The following SLC12A2 variants were observed in gnomAD, a reference collection of about 807,000 sequenced individuals.
The protein encoded by SLC12A2 is solute carrier family 12 member 2, also known as Na-K-2Cl cotransporter 1.
SLC12A2 carries 67 observed loss-of-function variants against 136.3 expected under a neutral mutation model. The observed-to-expected ratio is 0.49, with a 90% CI of 0.40 to 0.60. SLC12A2 has a LOEUF of 0.60. Ranked by LOEUF, SLC12A2 falls within the 20% of genes least tolerant of loss-of-function variation. The pLI is 0.00. For synonymous variants in SLC12A2, 619 were observed against 562.9 expected, an observed-to-expected ratio of 1.10 and a Z score of -1.41; for missense variants, 1,322 against 1,534.7, an observed-to-expected ratio of 0.86 and a Z score of 2.32.
chr5:128,183,490 A>G (rs2126760488), intron 24 of SLC12A2, among the ~76,000 whole-genome samples: 1 of 152,078 alleles, frequency 6.6e-6, no homozygotes, highest in South Asian at 2.1e-4. Context: ...TACAATTTGT[A>G]AGGTTGTAAT....
At chr5:128,158,665 C>T (rs754130860) in intron 16 of SLC12A2, among the ~76,000 whole-genome samples, 5 of 152,076 alleles carry the variant, frequency 3.3e-5, no homozygotes, top group African/African-American at 4.8e-5. Context: ...AATGAACGTA[C>T]GCATGCATGT....
Position 128,184,350 on chromosome 5 carries a change from T to C in SLC12A2, c.3300-16T>C, listed in dbSNP as rs1181661276. The C allele has an allele frequency of 4.1e-6, 6 of 1,447,930 alleles. No individual in the cohort carries two copies. Among genetic ancestry groups the C allele is most frequent in the South Asian group, 2.7e-5 (2 of 72,846 alleles). The allele number at this position is 1,447,930 out of a possible 1,614,324, so 89.7% of individuals were successfully genotyped here. On this transcript the variant is annotated splice_polypyrimidine_tract_variant and intron_variant, in intron 24 of 26. Transcript: ENST00000262461. ...AAAATAAGATTAGTTGTCAGTATTC[T>C]TTCTGTTTTTTAAAGTATTATAGCT...
chr5:128,158,017 T>C, intron 15 of SLC12A2, 36 bp from the exon 16 acceptor site: 1 of 1,556,294 alleles, frequency 6.4e-7, no homozygotes, highest in African/African-American at 1.4e-5. Flanking sequence ...AAACACAAAT[T>C]TATCTAATTT....
At chr5:128,168,728 A>G (rs1467438620) in intron 18 of SLC12A2, 1 of 152,184 alleles carries the variant, frequency 6.6e-6, no homozygotes, top group Non-Finnish European at 1.5e-5. Context: ...TCACATGCGC[A>G]GTTCATAATA....
At chr5:128,142,834 ATG>A (rs924702586) in intron 10 of SLC12A2, among the ~76,000 whole-genome samples, 5 of 151,892 alleles carry the variant, frequency 3.3e-5, no homozygotes, top group Non-Finnish European at 7.4e-5. Context: ...AAATAACCTT[ATG>A]TGTGTGTGTG....
chr5:128,151,148 A>T, intron 13 of SLC12A2, 93 bp from the exon 14 acceptor site: 1 of 1,113,158 alleles, frequency 9.0e-7, no homozygotes, highest in South Asian at 1.7e-5. Flanking sequence ...TCAGTGTGGC[A>T]ACCATAAAGA....
chr5:128,136,072 T>C (rs1296119007), intron 7 of SLC12A2, among the ~76,000 whole-genome samples: 1 of 152,168 alleles, frequency 6.6e-6, no homozygotes, highest in Non-Finnish European at 1.5e-5. Flanking sequence ...GGAGATTTTA[T>C]TCTCTACTAG....
In SLC12A2 at chr5:128,167,795, T is replaced by G. The variant is rs771029827; in HGVS notation, c.2651T>G (p.Leu884Arg). 6.2e-7 allele frequency: 1 copy of G among 1,610,432 alleles called. No homozygotes were observed. The highest frequency in any genetic ancestry group is 8.5e-7 in the Non-Finnish European group (1 of 1,178,464). ...AGLGRMKPNT[L>R]VLGFKKDWLQ... ...CTTGGTCGTATGAAGCCAAACACAC[T>G]TGTCCTTGGATTTAAGAAAGATTGG... The change falls in exon 18 of 27, where the codon CTT becomes CGT. Residue 884 changes from leucine (L) to arginine (R), a missense_variant. By Grantham distance (102) the Leu-to-Arg change is moderately radical (BLOSUM62 -2). Transcript: ENST00000262461.
intron 18 of SLC12A2, chr5:128,169,655 G>C (rs1275640073): frequency 6.6e-6 from 1 of 152,018 alleles, no homozygotes; most frequent in Non-Finnish European, 1.5e-5. Flanking sequence ...GTGTATATAG[G>C]GATTAGGGAC....
At chr5:128,085,533 T>C (rs528998782) in intron 1 of SLC12A2, among the ~76,000 whole-genome samples, 4 of 152,358 alleles carry the variant, frequency 2.6e-5, no homozygotes, top group South Asian at 2.1e-4. Context: ...ATAAGACTTA[T>C]TTCTTCAGCG....
At chr5:128,098,487 T>A (rs13157197) in intron 1 of SLC12A2, among the ~76,000 whole-genome samples, 1 of 149,092 alleles carries the variant, frequency 6.7e-6, no homozygotes, top group African/African-American at 2.5e-5. Flanking sequence ...GTTTTTTTTG[T>A]TTTTTTTGTT....
In SLC12A2 at chr5:128,083,920, C is replaced by T; in HGVS notation, c.-35C>T. The T allele has an allele frequency of 1.6e-6, 2 of 1,219,250 alleles. No homozygotes were observed. The highest frequency in any genetic ancestry group is 8.7e-5 in the Admixed American group (2 of 23,044). The allele number at this position is 1,219,250 out of a possible 1,614,324, so 75.5% of individuals were successfully genotyped here. A position where few individuals can be genotyped will look rare whatever the true frequency, so the allele number is the denominator to read the frequency against. ...GAGGGCGTGCTGCCGGAGACGTCCG[C>T]CGGGCTCTGCAGTTCCGCCGGGGGT... On this transcript the variant is annotated 5_prime_UTR_variant, in exon 1 of 27. Transcript: ENST00000262461.
chr5:128,118,954 G>A (rs951006041), intron 4 of SLC12A2, among the ~76,000 whole-genome samples: 3 of 152,090 alleles, frequency 2.0e-5, no homozygotes, highest in African/African-American at 7.2e-5. Context: ...TCTTATTCAA[G>A]GCTCGAAAAA....
At chr5:128,158,227 A>G (rs1487719635) in intron 16 of SLC12A2, 63 bp downstream of exon 16, 1 of 1,206,410 alleles carries the variant, frequency 8.3e-7, no homozygotes, top group Non-Finnish European at 1.2e-6. Context: ...AGGTTCAGGA[A>G]TACATGTGCA....
intron 17 of SLC12A2, among the ~76,000 whole-genome samples, chr5:128,165,979 A>G (rs1763191505): frequency 7.2e-6 from 1 of 139,046 alleles, no homozygotes; most frequent in African/African-American, 2.7e-5. Flanking sequence ...AAAAACTAAA[A>G]TGAATATTTT....
At chr5:128,183,772 T>C (rs867842100) in intron 24 of SLC12A2, among the ~76,000 whole-genome samples, 1 of 152,052 alleles carries the variant, frequency 6.6e-6, no homozygotes. Flanking sequence ...AGCAGAGTAG[T>C]AACACAATTT....
intron 1 of SLC12A2, among the ~76,000 whole-genome samples, chr5:128,109,292 G>T (rs577595075): frequency 6.6e-6 from 1 of 152,254 alleles, no homozygotes; most frequent in Non-Finnish European, 1.5e-5. Flanking sequence ...AGGCGTGCCA[G>T]GGCACAGGTT....
Position 128,147,706 on chromosome 5 carries a change from G to T in SLC12A2, c.1858G>T (p.Val620Leu), listed in dbSNP as rs1180060370. 1.2e-6 allele frequency: 2 copies of T among 1,607,716 alleles called. No individual in the cohort carries two copies. Among genetic ancestry groups the T allele is most frequent in the African/African-American group, 2.7e-5 (2 of 74,668 alleles). Residue 620 changes from valine to leucine, a missense_variant, in exon 11 of 27, where the codon GTG (valine) becomes TTG (leucine). Physicochemically the swap from Val to Leu is conservative, Grantham distance 32 (BLOSUM62 1). Around this residue, in one of 8 missense-constraint regions of SLC12A2, gnomAD observed 294 missense variants for 436.6 expected, o/e 0.67. Coordinates refer to ENST00000262461, the MANE Select transcript of SLC12A2 (RefSeq NM_001046.3). The part of the protein sequence containing the change: ...ATLSSALASL[V>L]SAPKIFQALC... ...TCTTTCTTCAGCATTAGCATCCCTA[G>T]TGAGTGCTCCCAAAATATTTCAGGT...
intron 18 of SLC12A2, 41 bp from the exon 19 acceptor site, chr5:128,171,624 ATT>A: frequency 8.3e-7 from 1 of 1,204,950 alleles, no homozygotes; most frequent in Non-Finnish European, 1.2e-6. Flanking sequence ...AATTTTTGTG[ATT>A]TTTTTTTTGG....
Sources: allele counts gnomAD v4.1 joint callset (sites outside exome capture counted in the v4.1 genomes callset), GRCh38; gene constraint gnomAD v4.1.1; regional missense constraint gnomAD v4.1.1; transcripts MANE v1.5; gene names NCBI Gene and HGNC (gene_info 2026-07-23, HGNC 2026-07-21).